The following MPP7 variants were observed in gnomAD, a reference collection of about 807,000 sequenced individuals.
MPP7 encodes the protein MAGUK p55 subfamily member 7.
A neutral mutation model predicts 76.5 loss-of-function variants in MPP7; 60 were observed. The observed-to-expected ratio is 0.78, with a 90% confidence interval of 0.64 to 0.97. The LOEUF (loss-of-function observed/expected upper bound fraction) is 0.97, where lower values mean the gene tolerates loss of function less well. Among genes scored for constraint, MPP7 ranks in the 50% least tolerant of loss-of-function variants. MPP7 has a pLI of 0.00. For missense variants in MPP7, 641 were observed against 694.0 expected, an observed-to-expected ratio of 0.92 and a Z score of 0.86; for synonymous variants, 237 against 244.5, an observed-to-expected ratio of 0.97 and a Z score of 0.29.
At chr10:28,249,801 GGTGGGA>G (rs1476729152) in intron 1 of MPP7, among the ~76,000 whole-genome samples, 2 of 152,080 alleles carry the variant, frequency 1.3e-5, no homozygotes, top group African/African-American at 4.8e-5. Context: ...ACCTTCCCCT[GGTGGGA>G]GGAGCCTAGC....
At chr10:28,307,026 G>A (rs532609906), upstream of MPP7, among the ~76,000 whole-genome samples, 1 of 152,292 alleles carries the variant, frequency 6.6e-6, no homozygotes, top group South Asian at 2.1e-4. Flanking sequence ...ATAGATGATG[G>A]GGGCTGCAGG....
At chr10:28,291,527 C>A (rs1370229090) in intron 1 of MPP7, among the ~76,000 whole-genome samples, 2 of 152,112 alleles carry the variant, frequency 1.3e-5, no homozygotes, top group Non-Finnish European at 2.9e-5. Flanking sequence ...ATCCCTTGAA[C>A]CCAGTGGGGC....
intron 3 of MPP7, among the ~76,000 whole-genome samples, chr10:28,155,776 A>AC (rs1016357390): frequency 2.0e-5 from 3 of 151,838 alleles, no homozygotes; most frequent in African/African-American, 4.8e-5. Context: ...CTTAAAAAAA[A>AC]AAAACAAAAC....
intron 5 of MPP7, among the ~76,000 whole-genome samples, chr10:28,144,689 A>G (rs1447086684): frequency 6.6e-6 from 1 of 152,134 alleles, no homozygotes; most frequent in Non-Finnish European, 1.5e-5. Context: ...CTGCAACGTA[A>G]GGTCTCAACT....
chr10:28,223,082 C>T (rs1181261496), intron 2 of MPP7, among the ~76,000 whole-genome samples: 3 of 151,450 alleles, frequency 2.0e-5, no homozygotes, highest in East Asian at 2.0e-4. Context: ...TGCAGTGAGC[C>T]GGGATCGCAC....
intron 5 of MPP7, among the ~76,000 whole-genome samples, chr10:28,141,731 T>A (rs2985525): frequency 7.9e-5 from 12 of 152,120 alleles, no homozygotes. Flanking sequence ...AAATTGCCAC[T>A]GTCTCTGGAA....
intron 2 of MPP7, among the ~76,000 whole-genome samples, chr10:28,324,514 C>A (rs573020612): frequency 6.6e-6 from 1 of 152,282 alleles, no homozygotes. Context: ...GCACTACAGG[C>A]CCTTTCTGCA....
intron 12 of MPP7, among the ~76,000 whole-genome samples, chr10:28,086,499 C>T (rs1430903731): frequency 3.9e-5 from 6 of 152,132 alleles, no homozygotes; most frequent in Admixed American, 1.3e-4. Flanking sequence ...TCAGTGATCA[C>T]GGATCAGGAC....
chr10:28,180,134 T>C (rs1297345241), intron 3 of MPP7, among the ~76,000 whole-genome samples: 1 of 152,224 alleles, frequency 6.6e-6, no homozygotes, highest in African/African-American at 2.4e-5. Context: ...ACTTTGATAT[T>C]GATAGCCCTC....
chr10:28,277,363 C>CAAAAAAAAAAAAAAAAA (rs146764680), intron 1 of MPP7, among the ~76,000 whole-genome samples: 1 of 130,332 alleles, frequency 7.7e-6, no homozygotes. Flanking sequence ...AGCTGACGAG[C>CAAAAAAAAAAAAAAAAA]AAAAAAAAAA....
At chr10:28,158,053 A>G (rs1218550622) in intron 3 of MPP7, among the ~76,000 whole-genome samples, 2 of 152,206 alleles carry the variant, frequency 1.3e-5, no homozygotes, top group Non-Finnish European at 2.9e-5. Context: ...TTAAAACGTT[A>G]TTATTAGTTA....
Position 28,285,990 on chromosome 10 carries a change from T to C in MPP7, c.-132+16871A>G, listed in dbSNP as rs142199867. Among the ~76,000 whole-genome samples, 21 of 152,340 alleles carry C rather than the reference T, an allele frequency of 1.4e-4. No individual in the cohort carries two copies. In the East Asian group the frequency reaches 3.5e-3, roughly 25 times the overall value. Reference sequence around the variant, plus strand: ...ACAAGCATGTTTATGGATGTGCTTATTTATTGTGTAAGACAACAAAATGTA... The same window carrying C: ...ACAAGCATGTTTATGGATGTGCTTACTTATTGTGTAAGACAACAAAATGTA... On this transcript the variant is annotated intron_variant, in intron 1 of 16. Coordinates refer to ENST00000683449, the MANE Select transcript of MPP7 (RefSeq NM_001318170.2).
upstream of MPP7, among the ~76,000 whole-genome samples, chr10:28,303,096 G>C (rs539954399): frequency 6.6e-6 from 1 of 152,196 alleles, no homozygotes. Flanking sequence ...GCGGGACCGC[G>C]GTTGGAGGGG....
chr10:28,077,320 A>G (rs1852541955), intron 12 of MPP7, among the ~76,000 whole-genome samples: 1 of 152,176 alleles, frequency 6.6e-6, no homozygotes, highest in Non-Finnish European at 1.5e-5. Flanking sequence ...TCCCTAAATT[A>G]GGTTATTCTA....
In MPP7 at chr10:28,131,691, C is replaced by T. The variant is rs145596649; in HGVS notation, c.316G>A (p.Ala106Thr). Reference sequence around the variant, plus strand: ...ACAGTATCATGTACAGAGAGCAAAGCCTGTAATATTCAAAGGTTGATTTAA... The same window carrying T: ...ACAGTATCATGTACAGAGAGCAAAGTCTGTAATATTCAAAGGTTGATTTAA... ...LKLLSKPNVKALLSVHDTVAQ... is the reference protein window; with the variant it reads ...LKLLSKPNVKTLLSVHDTVAQ... The change falls in exon 6 of 17, where the codon GCT becomes ACT. Residue 106 changes from alanine to threonine, a missense_variant and splice_region_variant. Transcript: ENST00000683449. 7.6e-3 allele frequency: 11,810 copies of T among 1,557,042 alleles called. 76 individuals are homozygous for T. The highest frequency in any genetic ancestry group is 9.3e-3 in the Non-Finnish European group (10,670 of 1,146,426).
chr10:28,305,434 A>G (rs948536031), upstream of MPP7: 5 of 152,074 alleles, frequency 3.3e-5, no homozygotes, highest in Admixed American at 2.6e-4. Context: ...TCATTAAGCC[A>G]ATCATCAGGA....
intron 3 of MPP7, among the ~76,000 whole-genome samples, chr10:28,165,517 C>A (rs1415034651): frequency 7.4e-6 from 1 of 135,302 alleles, no homozygotes; most frequent in African/African-American, 2.9e-5. Flanking sequence ...TAGAGTGAGA[C>A]CTTGTCTCTA....
At chr10:28,169,111 G>A (rs759438739) in intron 3 of MPP7, among the ~76,000 whole-genome samples, 1 of 152,046 alleles carries the variant, frequency 6.6e-6, no homozygotes, top group African/African-American at 2.4e-5. Flanking sequence ...TTGATATCTA[G>A]TGGGAAGAGC....
At chr10:28,177,955 C>A (rs1298329776) in intron 3 of MPP7, among the ~76,000 whole-genome samples, 1 of 152,058 alleles carries the variant, frequency 6.6e-6, no homozygotes, top group Non-Finnish European at 1.5e-5. Flanking sequence ...CAGCAGATTC[C>A]AGGTCTCTCT....
Sources: allele counts gnomAD v4.1 joint callset (sites outside exome capture counted in the v4.1 genomes callset), GRCh38; gene constraint gnomAD v4.1.1; transcripts MANE v1.5; gene names NCBI Gene and HGNC (gene_info 2026-07-23, HGNC 2026-07-21).